AKAP17A: variants seen among roughly 807,000 people sequenced by gnomAD.
The protein encoded by AKAP17A is A-kinase anchoring protein 17A.
AKAP17A carries 15 observed loss-of-function variants against 52.2 expected under a neutral mutation model. The ratio of observed to expected loss-of-function variants is 0.29; its 90% confidence interval spans 0.19 to 0.44. AKAP17A has a LOEUF of 0.44. Ranked by LOEUF, AKAP17A falls within the 20% of genes least tolerant of loss-of-function variation. The pLI is 1.00. For synonymous variants in AKAP17A, 514 were observed against 424.7 expected (o/e 1.21, Z -2.58); for missense variants, 1,060 against 1,007.0 (o/e 1.05, Z -0.71).
At chrX:1,598,035 T>C (rs1933105565) in intron 3 of AKAP17A, among the ~76,000 whole-genome samples, 1 of 152,158 alleles carries the variant, frequency 6.6e-6, no homozygotes, top group Non-Finnish European at 1.5e-5. Context: ...TGGGTGGAGA[T>C]GAGGCATGTT....
At chrX:1,592,050 G>A (rs1479160635) in intron 1 of AKAP17A, among the ~76,000 whole-genome samples, 1 of 151,810 alleles carries the variant, frequency 6.6e-6, no homozygotes, top group African/African-American at 2.4e-5. Context: ...AGGAGCTGAG[G>A]CCTGGAGCGG....
At position 1,600,706 on chromosome X, in the gene AKAP17A, CCAG is replaced by C. The variant is rs758154886; in HGVS notation, c.1207_1209del (p.Gln403del). ...AGCAGAAGGAGGAGAAGCTGAGGCT[CCAG>C]CAGCAGGAGGAGCGGCGGCGGCTGC... On this transcript the variant is annotated inframe_deletion, in exon 5 of 5. Transcript: ENST00000313871. The C allele has an allele frequency of 6.5e-7, 1 of 1,546,766 alleles. No individual in the cohort carries two copies. Among genetic ancestry groups the C allele is most frequent in the Non-Finnish European group, 8.7e-7 (1 of 1,147,026 alleles).
intron 4 of AKAP17A, chrX:1,600,238 G>C: frequency 7.7e-7 from 1 of 1,296,838 alleles, no homozygotes; most frequent in Non-Finnish European, 1.0e-6. Flanking sequence ...CCCAGGCTAG[G>C]CCAGGCTCGC....
intron 3 of AKAP17A, among the ~76,000 whole-genome samples, chrX:1,596,124 C>T (rs1932964556): frequency 6.6e-6 from 1 of 151,942 alleles, no homozygotes; most frequent in Non-Finnish European, 1.5e-5. Flanking sequence ...GTTCACACCT[C>T]CCGCTGAAAC....
At chrX:1,595,925 T>A (rs1197506495) in intron 3 of AKAP17A, among the ~76,000 whole-genome samples, 9 of 152,140 alleles carry the variant, frequency 5.9e-5, no homozygotes, top group African/African-American at 1.9e-4. Flanking sequence ...TGTGTGCACG[T>A]ATGGGTGTGT....
chrX:1,595,070 G>C (rs1304685709), intron 2 of AKAP17A, among the ~76,000 whole-genome samples: 5 of 152,232 alleles, frequency 3.3e-5, no homozygotes, highest in Non-Finnish European at 4.4e-5. Context: ...GGTAGCGGAA[G>C]GGGAGCTGTG....
At chrX:1,595,272 C>A in intron 2 of AKAP17A, 112 bp from the exon 3 acceptor site, 2 of 1,405,288 alleles carry the variant, frequency 1.4e-6, no homozygotes, top group Non-Finnish European at 2.0e-6. Flanking sequence ...GAGCGGTGAG[C>A]GGGCGCTCAG....
At chrX:1,594,896 C>T (rs765210097) in intron 2 of AKAP17A, among the ~76,000 whole-genome samples, 2 of 152,214 alleles carry the variant, frequency 1.3e-5, no homozygotes, top group South Asian at 2.1e-4. Context: ...GGATTACAGG[C>T]GTGAGCCACT....
At chrX:1,599,606 C>G in intron 4 of AKAP17A, 174 bp downstream of exon 4, 1 of 914,392 alleles carries the variant, frequency 1.1e-6, no homozygotes, top group Non-Finnish European at 1.7e-6. Flanking sequence ...TAGCGCTCGT[C>G]TGTCGTTCCC....
Position 1,601,685 on chromosome X carries a change from C to T in AKAP17A, c.*91C>T. The T allele has an allele frequency of 8.0e-7, 1 of 1,257,324 alleles. No homozygotes were observed. Among genetic ancestry groups the T allele is most frequent in the East Asian group, 2.9e-5 (1 of 34,266 alleles). 77.9% of individuals were successfully genotyped at this position (1,257,324 alleles called of 1,614,324 possible). On this transcript the variant is annotated 3_prime_UTR_variant, in exon 5 of 5. Transcript: ENST00000313871. ...CTCCTTGGCCGCTCTCCGTCCACCC[C>T]TGCAAAGCCAAGACCCTTCTGCAGC...
chrX:1,592,596 C>T (rs1182311118), intron 1 of AKAP17A, among the ~76,000 whole-genome samples: 1 of 152,078 alleles, frequency 6.6e-6, no homozygotes, highest in Non-Finnish European at 1.5e-5. Flanking sequence ...CACCTCCCAC[C>T]TCGGGCTTGG....
chrX:1,596,985 C>T (rs1405553346), intron 3 of AKAP17A, among the ~76,000 whole-genome samples: 3 of 152,320 alleles, frequency 2.0e-5, no homozygotes, highest in Admixed American at 6.5e-5. Flanking sequence ...GACTTTGGTG[C>T]GTCCTGCACG....
Position 1,595,235 on chromosome X carries a change from CTGCACCGGACATGAGTGGTGAGCG to C in AKAP17A, c.763-148_763-125del. ...GGCTTCTGGGCTCCACTGTCTGGGT[CTGCACCGGACATGAGTGGTGAGCG>C]GTGAGCGGTGAGCGGGCGCTCAGGC... is the stretch of plus-strand genomic sequence containing the variant. On this transcript the variant is annotated intron_variant, in intron 2 of 4. Transcript: ENST00000313871. 35 of 183,692 alleles carry C rather than the reference CTGCACCGGACATGAGTGGTGAGCG, an allele frequency of 1.9e-4. 10 individuals carry two copies. The highest frequency in any genetic ancestry group is 1.3e-3 in the East Asian group (6 of 4,714). The allele number at this position is 183,692 out of a possible 1,614,324, so 11.4% of individuals were successfully genotyped here.
At position 1,591,608 on chromosome X, in the gene AKAP17A, T is replaced by C. The variant is rs1473784937; in HGVS notation, c.-181T>C. 2.0e-5 allele frequency: 3 copies of C among 151,830 alleles called. No individual in the cohort carries two copies. Among genetic ancestry groups the C allele is most frequent in the African/African-American group, 4.8e-5 (2 of 41,340 alleles). 9.4% of individuals were successfully genotyped at this position (151,830 alleles called of 1,614,324 possible). Reference sequence around the variant, plus strand: ...GCGCGCCGGAAGTGGAAATGCGTCATAGAGGGCGGGCGGCGACGGCGGTGG... The same window carrying C: ...GCGCGCCGGAAGTGGAAATGCGTCACAGAGGGCGGGCGGCGACGGCGGTGG... On this transcript the variant is annotated 5_prime_UTR_variant, in exon 1 of 5. Coordinates refer to ENST00000313871, the MANE Select transcript of AKAP17A (RefSeq NM_005088.3).
intron 4 of AKAP17A, 71 bp from the exon 5 acceptor site, chrX:1,600,588 C>G (rs1933305166): frequency 2.1e-6 from 3 of 1,413,304 alleles, no homozygotes; most frequent in Admixed American, 4.8e-5. Context: ...CAAACACCTT[C>G]CCAGCTCCTG....
At chrX:1,593,323 G>A in intron 1 of AKAP17A, 121 bp from the exon 2 acceptor site, 2 of 973,048 alleles carry the variant, frequency 2.1e-6, no homozygotes, top group Non-Finnish European at 1.6e-6. Flanking sequence ...TCTCTGACAC[G>A]GCAGAGAGAC....
At position 1,601,156 on chromosome X, in the gene AKAP17A, T is replaced by C. The variant is rs777430385; in HGVS notation, c.1650T>C (p.Ile550=). The change falls in exon 5 of 5, where the codon ATT becomes ATC. Residue 550 remains isoleucine (I), a synonymous_variant. Coordinates refer to ENST00000313871, the MANE Select transcript of AKAP17A (RefSeq NM_005088.3). The part of the protein sequence containing the change: ...KRCPGGVLSC[I]PDNNQQPKGI... ...GCCCGGGCGGCGTCCTCTCCTGCAT[T>C]CCTGACAACAACCAACAGCCCAAGG... The C allele has an allele frequency of 2.1e-5, 34 of 1,613,594 alleles. No homozygotes were observed. The highest frequency in any genetic ancestry group is 2.8e-5 in the Non-Finnish European group (33 of 1,179,708).
In AKAP17A at chrX:1,593,660, G is replaced by T. The variant is rs145575351; in HGVS notation, c.198G>T (p.Thr66=). Residue 66 remains threonine (T), a synonymous_variant, in exon 2 of 5, where the codon ACG becomes ACT. Coordinates refer to ENST00000313871, the MANE Select transcript of AKAP17A (RefSeq NM_005088.3). ...TGGTGCAGAACCACCAGTTCTCCAC[G>T]CTGCGTATTTCCAAGAGCACCATGG... is the stretch of plus-strand genomic sequence containing the variant. The part of the protein sequence containing the change: ...KGMVQNHQFS[T]LRISKSTMDF... 2 of 1,613,846 alleles carry T rather than the reference G, an allele frequency of 1.2e-6. No homozygotes were observed. The highest frequency in any genetic ancestry group is 3.3e-5 in the Admixed American group (2 of 59,992).
At chrX:1,597,750 A>G (rs1341914071) in intron 3 of AKAP17A, among the ~76,000 whole-genome samples, 4 of 151,792 alleles carry the variant, frequency 2.6e-5, no homozygotes, top group Non-Finnish European at 5.9e-5. Flanking sequence ...GGAGAGATGG[A>G]CGTTGGAGTA....
Sources: allele counts gnomAD v4.1 joint callset (sites outside exome capture counted in the v4.1 genomes callset), GRCh38; gene constraint gnomAD v4.1.1; transcripts MANE v1.5; gene names NCBI Gene and HGNC (gene_info 2026-07-23, HGNC 2026-07-21).